XCR1: variants seen among roughly 807,000 people sequenced by gnomAD.
XCR1 encodes chemokine XC receptor 1.
For missense variants in XCR1, 356 were observed against 424.2 expected, an observed-to-expected ratio of 0.84 and a Z score of 1.41; for synonymous variants, 187 against 188.5, an observed-to-expected ratio of 0.99 and a Z score of 0.06.
At chr3:46,074,063 C>T (rs1698209399) in intron 3 of XCR1, among the ~76,000 whole-genome samples, 1 of 151,980 alleles carries the variant, frequency 6.6e-6, no homozygotes, top group South Asian at 2.1e-4. Context: ...TCCAGCAACC[C>T]CACTACTGGG....
chr3:46,057,025 A>G (rs1697866448), intron 4 of XCR1, among the ~76,000 whole-genome samples: 1 of 152,232 alleles, frequency 6.6e-6, no homozygotes, highest in South Asian at 2.1e-4. Context: ...TCTCAGCATT[A>G]AAAAGAAACA....
chr3:46,024,921 C>G (rs1167890178), intron 1 of XCR1, among the ~76,000 whole-genome samples: 1 of 151,622 alleles, frequency 6.6e-6, no homozygotes, highest in Non-Finnish European at 1.5e-5. Flanking sequence ...TTAAAAAAAC[C>G]CAACTGACTT....
At chr3:46,074,214 C>CTTTTTTTTTTTTTTTTTTTTTTTTTTTTT (rs35124592) in intron 3 of XCR1, among the ~76,000 whole-genome samples, 1 of 86,638 alleles carries the variant, frequency 1.2e-5, no homozygotes, top group African/African-American at 4.3e-5. Context: ...TGAAGGCCAT[C>CTTTTTTTTTTTTTTTTTTTTTTTTTTTTT]TTTTTTTTTT....
Position 46,021,514 on chromosome 3 carries a change from C to G in XCR1, c.434G>C (p.Cys145Ser), listed in dbSNP as rs1708146998. Residue 145 changes from cysteine to serine, a missense_variant, in exon 2 of 2, where the codon TGC (cysteine) becomes TCC (serine). Physicochemically the swap from Cys to Ser is moderately radical, Grantham distance 112. Coordinates refer to ENST00000309285, the MANE Select transcript of XCR1 (RefSeq NM_001024644.2). This position sits in a 1 kb window ranked among gnomAD's most constrained non-coding sequence, Gnocchi z 4.7. The part of the protein sequence containing the change: ...LSTLRVPTLR[C>S]RVLVTMAVWV... ...CACAGCCATGGTCACCAGCACCCGG[C>G]AGCGGAGGGTGGGGACGCGCAGGGT... 2 of 1,612,682 alleles carry G rather than the reference C, an allele frequency of 1.2e-6. No homozygotes were observed. Among genetic ancestry groups the G allele is most frequent in the Non-Finnish European group, 1.7e-6 (2 of 1,179,290 alleles).
rs1575426336 is a variant in XCR1 at position 46,051,863 on chromosome 3, A to G, written c.-32+2057T>C. On this transcript the variant is annotated intron_variant, in intron 5 of 5. Transcript: ENST00000683768. ...AATACGGTGAAACTGTGTCTCTACT[A>G]AAAATACAAAAAATTAGCCAGGTGT... 3.9e-5 allele frequency among the ~76,000 whole-genome samples: 6 copies of G among 152,228 alleles called. No individual in the cohort carries two copies. The South Asian group carries it at 1.2e-3, about 32-fold the overall frequency.
intron 5 of XCR1, among the ~76,000 whole-genome samples, chr3:46,036,279 G>A (rs1326385547): frequency 2.0e-5 from 3 of 152,154 alleles, no homozygotes; most frequent in Non-Finnish European, 4.4e-5. Flanking sequence ...GGAGTCTGAG[G>A]AGGTTTGGCC....
chr3:46,057,928 CTATCTACG>C (rs1388708272), intron 4 of XCR1, among the ~76,000 whole-genome samples: 56 of 146,002 alleles, frequency 3.8e-4, no homozygotes, highest in African/African-American at 6.6e-4. Flanking sequence ...ATCTATCTAT[CTATCTACG>C]CATCCATCTA....
At chr3:46,078,804 G>A (rs764235323) in intron 1 of XCR1, among the ~76,000 whole-genome samples, 4 of 152,226 alleles carry the variant, frequency 2.6e-5, no homozygotes, top group Non-Finnish European at 5.9e-5. Flanking sequence ...TAGGTGACTG[G>A]AGACTTTGCA....
At chr3:46,028,726 A>G (rs1374012638), upstream of XCR1, among the ~76,000 whole-genome samples, 2 of 151,828 alleles carry the variant, frequency 1.3e-5, no homozygotes, top group African/African-American at 2.4e-5. Flanking sequence ...AGTAGCTAAG[A>G]CTATAGGTAC....
At chr3:46,063,309 G>A (rs1306855225) in intron 4 of XCR1, among the ~76,000 whole-genome samples, 1 of 152,232 alleles carries the variant, frequency 6.6e-6, no homozygotes, top group African/African-American at 2.4e-5. Context: ...GCACATAGGA[G>A]AAAGAGCCAT....
In XCR1 at chr3:46,080,198, G is replaced by GA. The variant is rs905571205; in HGVS notation, c.-514-3273dup. Among the ~76,000 whole-genome samples the GA allele has an allele frequency of 6.8e-5, 9 of 131,948 alleles. No homozygotes were observed. In the South Asian group the frequency reaches 7.1e-4, roughly 10 times the overall value. 86.6% of individuals were successfully genotyped at this position (131,948 alleles called of 152,430 possible). ...AGTCCTTGTCTCAAAAAAAAAAAAA[G>GA]AAAAAAAAAGCCAACAAGTCTCCAA... On this transcript the variant is annotated intron_variant, in intron 1 of 5. Coordinates refer to the XCR1 transcript ENST00000683768.
At chr3:46,056,096 C>T (rs1321304300) in intron 4 of XCR1, among the ~76,000 whole-genome samples, 1 of 152,190 alleles carries the variant, frequency 6.6e-6, no homozygotes, top group Non-Finnish European at 1.5e-5. Flanking sequence ...ACTCCTTAGG[C>T]TGGCTGGGAC....
At chr3:46,051,895 G>A (rs559934771) in intron 5 of XCR1, among the ~76,000 whole-genome samples, 9 of 152,142 alleles carry the variant, frequency 5.9e-5, no homozygotes, top group South Asian at 4.2e-4. Flanking sequence ...GTGTGGTGGC[G>A]GGCGCCTGTA....
chr3:46,026,775 G>A (rs1240203290), intron 1 of XCR1, among the ~76,000 whole-genome samples: 1 of 151,764 alleles, frequency 6.6e-6, no homozygotes, highest in East Asian at 1.9e-4. Context: ...GTAGAGACGG[G>A]GTTTCACCAT....
At chr3:46,033,971 GT>G (rs36062240) in intron 5 of XCR1, among the ~76,000 whole-genome samples, 65,970 of 149,598 alleles carry the variant, frequency 0.44, 16,444 homozygotes, top group African/African-American at 0.69. Context: ...GTTCATTGCT[GT>G]TTTTTTTTTC....
At chr3:46,058,243 G>A (rs1697890635) in intron 4 of XCR1, among the ~76,000 whole-genome samples, 1 of 152,146 alleles carries the variant, frequency 6.6e-6, no homozygotes, top group South Asian at 2.1e-4. Context: ...GCTTATTAAA[G>A]GTAAGGTTCT....
At chr3:46,050,362 A>G (rs1219366009) in intron 5 of XCR1, among the ~76,000 whole-genome samples, 1 of 152,220 alleles carries the variant, frequency 6.6e-6, no homozygotes, top group Non-Finnish European at 1.5e-5. Context: ...AATCATTTAA[A>G]GTCTGTAACC....
chr3:46,082,639 C>T (rs1698395089), intron 1 of XCR1, among the ~76,000 whole-genome samples: 1 of 148,392 alleles, frequency 6.7e-6, no homozygotes, highest in South Asian at 2.2e-4. Flanking sequence ...AACAGAAGTG[C>T]ACCACCACAC....
intron 4 of XCR1, among the ~76,000 whole-genome samples, chr3:46,057,878 GTCTGTCTATCTATCTA>G (rs1697880157): frequency 8.1e-6 from 1 of 124,196 alleles, no homozygotes; most frequent in African/African-American, 3.4e-5. Context: ...CATCTTATCT[GTCTGTCTATCTATCTA>G]TCTATCTATC....
Sources: gnomAD v4.1 joint callset for allele counts (sites outside exome capture counted in the v4.1 genomes callset) on GRCh38, gnomAD v4.1.1 for gene constraint, Gnocchi (gnomAD v3.1) non-coding constraint, MANE v1.5 for transcripts, NCBI Gene and HGNC (gene_info 2026-07-23, HGNC 2026-07-21) for gene names.